Variants in STK3 observed in about 807,000 individuals in gnomAD.
The protein encoded by STK3 is serine/threonine kinase 3, also known as serine/threonine-protein kinase 3.
STK3 carries 41 observed loss-of-function variants against 58.0 expected under a neutral mutation model. That is an observed-to-expected ratio of 0.71 (90% CI 0.55 to 0.92). STK3 has a LOEUF of 0.92. Ranked by LOEUF, STK3 falls within the 40% of genes least tolerant of loss-of-function variation. The probability of loss-of-function intolerance (pLI) is 0.00; values close to 1 mark genes in which losing one functional copy is unlikely to be tolerated. For missense variants in STK3, 479 were observed against 602.7 expected (o/e 0.79, Z 2.15); for synonymous variants, 170 against 191.0 (o/e 0.89, Z 0.91).
chr8:98,360,029 G>A, the STK3 span, among the ~76,000 whole-genome samples: 2 of 152,162 alleles, frequency 1.3e-5, no homozygotes, highest in African/African-American at 2.4e-5. Flanking sequence ...TTGGCTGGAA[G>A]TTGCCAAGAC....
chr8:98,898,724 G>A (rs1202040218), intron 1 of STK3, among the ~76,000 whole-genome samples: 1 of 152,132 alleles, frequency 6.6e-6, no homozygotes, highest in East Asian at 1.9e-4. Flanking sequence ...ACAAATGGCA[G>A]GAAACCAACT....
chr8:98,350,887 G>A, the STK3 span, among the ~76,000 whole-genome samples: 1 of 152,064 alleles, frequency 6.6e-6, no homozygotes, highest in African/African-American at 2.4e-5. Context: ...CAGCACAACT[G>A]TATCAATGAC....
chr8:98,371,660 C>T (rs1817612132), exon 3 of STK3: 1 of 152,252 alleles, frequency 6.6e-6, no homozygotes, highest in Admixed American at 6.5e-5. Flanking sequence ...AGTCACAAAG[C>T]TAGGGATAGT....
intron 8 of STK3, among the ~76,000 whole-genome samples, chr8:98,576,346 T>C (rs956446387): frequency 3.3e-5 from 5 of 152,226 alleles, no homozygotes; most frequent in Non-Finnish European, 7.3e-5. Context: ...TCTTCTAACA[T>C]GGTTCTTCTT....
intron 1 of STK3, among the ~76,000 whole-genome samples, chr8:98,903,792 A>C (rs962271094): frequency 1.3e-5 from 2 of 152,126 alleles, no homozygotes; most frequent in African/African-American, 4.8e-5. Flanking sequence ...AAAGACCCCA[A>C]ATCATAGTTT....
At chr8:98,888,153 T>C (rs569838176) in intron 1 of STK3, among the ~76,000 whole-genome samples, 1 of 152,132 alleles carries the variant, frequency 6.6e-6, no homozygotes, top group East Asian at 1.9e-4. Flanking sequence ...ACCCTATCTC[T>C]ACTAAAAATA....
chr8:98,714,973 T>C (rs544836758), intron 4 of STK3, among the ~76,000 whole-genome samples: 6 of 152,096 alleles, frequency 3.9e-5, no homozygotes, highest in Admixed American at 3.3e-4. Flanking sequence ...TCAGAAATAA[T>C]GCCGCATATC....
chr8:98,530,021 G>A (rs566903655), intron 9 of STK3, among the ~76,000 whole-genome samples: 25 of 152,234 alleles, frequency 1.6e-4, no homozygotes, highest in Admixed American at 4.6e-4. Flanking sequence ...GGCATATTTC[G>A]CAGTTATTGC....
intron 6 of STK3, among the ~76,000 whole-genome samples, chr8:98,614,954 C>A (rs1817554657): frequency 1.3e-5 from 2 of 152,184 alleles, no homozygotes; most frequent in Admixed American, 6.5e-5. Flanking sequence ...TGGGTGGAGC[C>A]CACCAGAGTT....
At chr8:98,416,574 G>A (rs1023953535) in intron 3 of STK3, among the ~76,000 whole-genome samples, 2 of 152,218 alleles carry the variant, frequency 1.3e-5, no homozygotes, top group African/African-American at 4.8e-5. Context: ...AGAGGGTCAG[G>A]AGAGGAGGTG....
chr8:98,356,014 G>T, the STK3 span, among the ~76,000 whole-genome samples: 1 of 152,230 alleles, frequency 6.6e-6, no homozygotes, highest in Non-Finnish European at 1.5e-5. Flanking sequence ...CAATGGGCTT[G>T]TGATGGACAG....
At chr8:98,694,858 A>G (rs1414937783) in intron 6 of STK3, among the ~76,000 whole-genome samples, 7 of 152,234 alleles carry the variant, frequency 4.6e-5, no homozygotes, top group African/African-American at 1.7e-4. Flanking sequence ...TCCTTTGGGT[A>G]TATACCCAGT....
chr8:98,899,187 GC>G, intron 1 of STK3, among the ~76,000 whole-genome samples: 1 of 152,222 alleles, frequency 6.6e-6, no homozygotes. Flanking sequence ...CACAGAAGAT[GC>G]CACAGGATCA....
intron 3 of STK3, among the ~76,000 whole-genome samples, chr8:98,870,529 G>T (rs533896982): frequency 3.3e-5 from 5 of 152,240 alleles, no homozygotes; most frequent in African/African-American, 1.2e-4. Context: ...TTCAATGATT[G>T]CCATTCTAAC....
intron 6 of STK3, among the ~76,000 whole-genome samples, chr8:98,668,051 G>A (rs1009148124): frequency 1.3e-5 from 2 of 152,016 alleles, no homozygotes; most frequent in Non-Finnish European, 2.9e-5. Context: ...ACTTACTTTT[G>A]TTAAAAGCTT....
chr8:98,926,862 G>T (rs1056099140), intron 1 of STK3, among the ~76,000 whole-genome samples: 2 of 152,168 alleles, frequency 1.3e-5, no homozygotes, highest in Non-Finnish European at 2.9e-5. Flanking sequence ...GTACCAGCTG[G>T]CCCAAAACCA....
At chr8:98,548,331 T>C (rs892141889) in intron 8 of STK3, among the ~76,000 whole-genome samples, 170 bp from the exon 9 acceptor site, 7 of 152,136 alleles carry the variant, frequency 4.6e-5, no homozygotes, top group Admixed American at 1.3e-4. Context: ...GTGAAAATTA[T>C]TCAAAATAAC....
At chr8:98,683,020 T>A (rs1025707494) in intron 6 of STK3, among the ~76,000 whole-genome samples, 1 of 152,066 alleles carries the variant, frequency 6.6e-6, no homozygotes, top group Admixed American at 6.6e-5. Context: ...TTTTAAGATA[T>A]ATATCTTCAA....
At chr8:98,400,443 C>A (rs1563592755), downstream of STK3, among the ~76,000 whole-genome samples, 1 of 152,206 alleles carries the variant, frequency 6.6e-6, no homozygotes, top group African/African-American at 2.4e-5. Flanking sequence ...TCCCTCCCTG[C>A]ACCCATCCCG....
Sources: gnomAD v4.1 joint callset for allele counts (sites outside exome capture counted in the v4.1 genomes callset) on GRCh38, gnomAD v4.1.1 for gene constraint, MANE v1.5 for transcripts, NCBI Gene and HGNC (gene_info 2026-07-23, HGNC 2026-07-21) for gene names.